RORB: variants seen among roughly 807,000 people sequenced by gnomAD.
RORB encodes RAR related orphan receptor B, also known as nuclear receptor ROR-beta.
RORB carries 6 observed loss-of-function variants against 59.1 expected under a neutral mutation model. The ratio of observed to expected loss-of-function variants is 0.10; its 90% CI spans 0.06 to 0.20. The LOEUF is 0.20. RORB is among the 10% of genes least tolerant of loss of function. RORB has a pLI of 1.00. For synonymous variants in RORB, 215 were observed against 204.5 expected (o/e 1.05, Z -0.44); for missense variants, 320 against 560.5 (o/e 0.57, Z 4.33).
intron 1 of RORB, among the ~76,000 whole-genome samples, chr9:74,533,344 G>T (rs1826275247): frequency 1.3e-5 from 2 of 151,946 alleles, no homozygotes; most frequent in South Asian, 4.1e-4. Flanking sequence ...GCCTCATTCA[G>T]CTGCTCCCAT....
At chr9:74,611,085 T>A (rs1178924441) in intron 1 of RORB, among the ~76,000 whole-genome samples, 1 of 152,190 alleles carries the variant, frequency 6.6e-6, no homozygotes, top group African/African-American at 2.4e-5. Flanking sequence ...CCTAGCATAA[T>A]GTCTTCTGAT....
At chr9:74,579,021 C>A (rs149612318) in intron 1 of RORB, among the ~76,000 whole-genome samples, 2 of 152,076 alleles carry the variant, frequency 1.3e-5, no homozygotes, top group Non-Finnish European at 2.9e-5. Flanking sequence ...CTCTTCCCAA[C>A]GAACTAGTGT....
Position 74,687,093 on chromosome 9 carries a change from A to C in RORB, c.*1475A>C, listed in dbSNP as rs1403703263. 6.6e-6 allele frequency: 1 copy of C among 152,178 alleles called. No homozygotes were observed. Among genetic ancestry groups the C allele is most frequent in the East Asian group, 1.9e-4 (1 of 5,198 alleles). The allele number at this position is 152,178 out of a possible 1,614,324, so 9.4% of individuals were successfully genotyped here. On this transcript the variant is annotated 3_prime_UTR_variant, in exon 10 of 10. Coordinates refer to ENST00000376896, the MANE Select transcript of RORB (RefSeq NM_006914.4). ...CACCTGCTCACCAATGAAATTAATC[A>C]TAAGAAAAGCATATATTCCAAGAAA... is the stretch of plus-strand genomic sequence containing the variant.
In RORB at chr9:74,610,429, C is replaced by T. The variant is rs374809648; in HGVS notation, c.8-19853C>T. 6.2e-3 allele frequency among the ~76,000 whole-genome samples: 946 copies of T among 152,214 alleles called. 14 individuals carry two copies. Among genetic ancestry groups the T allele is most frequent in the African/African-American group, 0.022 (902 of 41,528 alleles). On this transcript the variant is annotated intron_variant, in intron 1 of 9. Transcript: ENST00000376896. Reference sequence around the variant, plus strand: ...TTCTATTCTCCACTAAAATAGTATCCTAGTAATGGTTCAAAGTTATTGAAT... The same window carrying T: ...TTCTATTCTCCACTAAAATAGTATCTTAGTAATGGTTCAAAGTTATTGAAT...
rs77229280 is a variant in RORB, at chr9:74,611,119, C to A, written c.8-19163C>A. On this transcript the variant is annotated intron_variant, in intron 1 of 9. Transcript: ENST00000376896. ...ATACTAGGGACGGTTGTAAGCACTACGTTAGTGTGAAAAGTGCATAATAGC... is the reference window on the plus strand; with the variant it reads ...ATACTAGGGACGGTTGTAAGCACTAAGTTAGTGTGAAAAGTGCATAATAGC... Among the ~76,000 whole-genome samples the A allele has an allele frequency of 3.6e-3, 549 of 152,178 alleles. 7 individuals are homozygous for A. The highest frequency in any genetic ancestry group is 0.016 in the East Asian group (81 of 5,176).
chr9:74,688,451 T>A lies in RORB; in HGVS notation c.*2833T>A, dbSNP rs1025459892. On this transcript the variant is annotated 3_prime_UTR_variant, in exon 10 of 10. Coordinates refer to ENST00000376896, the MANE Select transcript of RORB (RefSeq NM_006914.4). ...TTCCTTCCCCATGAGGACTAACAAA[T>A]GTTCACAACAATCATGATCAAGTGT... 1 of 152,142 alleles carries A rather than the reference T, an allele frequency of 6.6e-6. No homozygotes were observed. The highest frequency in any genetic ancestry group is 1.5e-5 in the Non-Finnish European group (1 of 68,022). The allele number at this position is 152,142 out of a possible 1,614,324, so 9.4% of individuals were successfully genotyped here. A position where few individuals can be genotyped will look rare whatever the true frequency, so the allele number is the denominator to read the frequency against.
intron 1 of RORB, among the ~76,000 whole-genome samples, chr9:74,616,089 A>G (rs1034178204): frequency 1.3e-5 from 2 of 152,196 alleles, no homozygotes; most frequent in Non-Finnish European, 2.9e-5. Context: ...ATATATTTTC[A>G]AACATAATAG....
chr9:74,609,498 A>C (rs1438509638), intron 1 of RORB, among the ~76,000 whole-genome samples: 1 of 152,226 alleles, frequency 6.6e-6, no homozygotes, highest in Non-Finnish European at 1.5e-5. Context: ...CATGAGTTCA[A>C]TGTAAAGACT....
intron 1 of RORB, 29 bp from the exon 2 acceptor site, chr9:74,630,253 T>C: frequency 1.2e-6 from 2 of 1,608,870 alleles, no homozygotes; most frequent in South Asian, 2.2e-5. Flanking sequence ...AACATCTGTA[T>C]GCTCAAAATG....
intron 1 of RORB, among the ~76,000 whole-genome samples, chr9:74,552,843 C>T (rs1826634027): frequency 6.6e-6 from 1 of 151,882 alleles, no homozygotes; most frequent in Admixed American, 6.6e-5. Flanking sequence ...AGTGCTATGC[C>T]GTTAAAATAG....
Position 74,690,497 on chromosome 9 carries a change from G to A in RORB, c.*4879G>A, listed in dbSNP as rs1298914004. On this transcript the variant is annotated 3_prime_UTR_variant, in exon 10 of 10. Transcript: ENST00000376896. The stretch of plus-strand genomic sequence containing the variant: ...AAAATCTCTGAAATTATACATGATG[G>A]CAGTTGATTCAGAGCTTAGTGCAGA... 1 of 152,158 alleles carries A rather than the reference G, an allele frequency of 6.6e-6. No individual in the cohort carries two copies. The highest frequency in any genetic ancestry group is 2.4e-5 in the African/African-American group (1 of 41,426). The allele number at this position is 152,158 out of a possible 1,614,324, so 9.4% of individuals were successfully genotyped here.
chr9:74,550,091 G>A (rs1292840276), intron 1 of RORB, among the ~76,000 whole-genome samples: 3 of 152,040 alleles, frequency 2.0e-5, no homozygotes, highest in Non-Finnish European at 4.4e-5. Context: ...ATTTAGAAAC[G>A]TGAATTCAAA....
At position 74,595,371 on chromosome 9, in the gene RORB, TGACC is replaced by T. The variant is rs1483992765; in HGVS notation, c.8-34910_8-34907del. On this transcript the variant is annotated intron_variant, in intron 1 of 9. Transcript: ENST00000376896. ...AAAGCAGTCTTACTTTATTCACTCC[TGACC>T]ATGCCCTTTCTTTGTATGCTGTTCA... is the stretch of plus-strand genomic sequence containing the variant. Among the ~76,000 whole-genome samples the T allele has an allele frequency of 1.2e-3, 188 of 152,346 alleles. 1 individual carries two copies. The highest frequency in any genetic ancestry group is 4.3e-3 in the African/African-American group (179 of 41,578).
In RORB at chr9:74,642,498, A is replaced by G. The variant is rs920287935; in HGVS notation, c.320A>G (p.Gln107Arg). The change falls in exon 4 of 10, where the codon CAG becomes CGG. Residue 107 changes from glutamine to arginine, a missense_variant. By Grantham distance (43) the Gln-to-Arg change is conservative. Transcript: ENST00000376896. ...VQKHQQRLQE[Q>R]RQQQSGEAEA... Reference sequence around the variant, plus strand: ...AAGCACCAGCAGCGGCTGCAGGAACAGCGGCAGCAGCAGAGTGGGGAGGCA... The same window carrying G: ...AAGCACCAGCAGCGGCTGCAGGAACGGCGGCAGCAGCAGAGTGGGGAGGCA... 1 of 1,614,216 alleles carries G rather than the reference A, an allele frequency of 6.2e-7. No homozygotes were observed. The highest frequency in any genetic ancestry group is 1.3e-5 in the African/African-American group (1 of 75,060).
rs571997628 is a variant in RORB, at chr9:74,666,478, A to G, written c.1000+883A>G. 3.6e-3 allele frequency among the ~76,000 whole-genome samples: 544 copies of G among 152,036 alleles called. 3 individuals carry two copies. The highest frequency in any genetic ancestry group is 0.013 in the African/African-American group (525 of 41,492). ...CCTGTTAAAAAAAAAAAAGGAAAGA[A>G]ATAAGAAATAACCGGAGGCTGATGC... On this transcript the variant is annotated intron_variant, in intron 7 of 9. Transcript: ENST00000376896.
intron 8 of RORB, among the ~76,000 whole-genome samples, chr9:74,670,975 C>T (rs186684739): frequency 5.9e-5 from 9 of 152,196 alleles, no homozygotes; most frequent in East Asian, 1.9e-4. Flanking sequence ...AGTATTTGTT[C>T]GGCATTTGAA....
At chr9:74,533,493 CA>C (rs1408473695) in intron 1 of RORB, among the ~76,000 whole-genome samples, 1 of 152,064 alleles carries the variant, frequency 6.6e-6, no homozygotes, top group African/African-American at 2.4e-5. Context: ...GTCCCTTTGA[CA>C]TGTATGCTTT....
In RORB at chr9:74,634,607, C is replaced by T. The variant is rs1168045092; in HGVS notation, c.94-24C>T. The stretch of plus-strand genomic sequence containing the variant: ...TTTCCCTTCTTATAAATCTGTTTCC[C>T]TCCCCTTCTCTTTTTCCCTCAAGGG... On this transcript the variant is annotated intron_variant, in intron 2 of 9. Coordinates refer to ENST00000376896, the MANE Select transcript of RORB (RefSeq NM_006914.4). 5.7e-6 allele frequency: 9 copies of T among 1,581,596 alleles called. No homozygotes were observed. In the Admixed American group the frequency reaches 1.6e-4, roughly 29 times the overall value.
At chr9:74,632,250 G>T (rs1346298990) in intron 2 of RORB, among the ~76,000 whole-genome samples, 2 of 152,114 alleles carry the variant, frequency 1.3e-5, no homozygotes, top group Non-Finnish European at 2.9e-5. Context: ...TTTAAAGGAA[G>T]AATCCACAAT....
Sources: gnomAD v4.1 joint callset for allele counts (sites outside exome capture counted in the v4.1 genomes callset) on GRCh38, gnomAD v4.1.1 for gene constraint, MANE v1.5 for transcripts, NCBI Gene and HGNC (gene_info 2026-07-23, HGNC 2026-07-21) for gene names.